Variants in SLC20A2 observed in about 807,000 individuals in gnomAD.
SLC20A2 encodes solute carrier family 20 member 2, also known as sodium-dependent phosphate transporter 2.
A neutral mutation model predicts 61.0 loss-of-function variants in SLC20A2; 30 were observed. The ratio of observed to expected loss-of-function variants is 0.49; its 90% CI spans 0.37 to 0.67. The LOEUF (loss-of-function observed/expected upper bound fraction) is 0.67, where lower values mean the gene tolerates loss of function less well. Ranked by LOEUF, SLC20A2 falls within the 30% of genes least tolerant of loss-of-function variation. SLC20A2 has a pLI of 0.00. For missense variants in SLC20A2, 626 were observed against 866.4 expected (o/e 0.72, Z 3.48); for synonymous variants, 351 against 353.3 (o/e 0.99, Z 0.07).
intron 10 of SLC20A2, chr8:42,419,777 T>C: frequency 1.9e-6 from 1 of 538,166 alleles, no homozygotes; most frequent in Non-Finnish European, 2.4e-6. Context: ...TTTTTTTGGC[T>C]AATTAACCGA....
At chr8:42,477,962 T>C (rs530177825) in intron 1 of SLC20A2, among the ~76,000 whole-genome samples, 1 of 151,706 alleles carries the variant, frequency 6.6e-6, no homozygotes, top group Non-Finnish European at 1.5e-5. Context: ...CTCGGCTCAC[T>C]GCAACCTCCG....
chr8:42,434,874 G>A (rs964890927), intron 8 of SLC20A2, among the ~76,000 whole-genome samples: 5 of 152,152 alleles, frequency 3.3e-5, no homozygotes, highest in African/African-American at 7.2e-5. Context: ...GTGAATGTGC[G>A]TGAGTCCATG....
At chr8:42,538,126 C>G (rs946064539) in intron 1 of SLC20A2, 1 of 151,944 alleles carries the variant, frequency 6.6e-6, no homozygotes, top group Non-Finnish European at 1.5e-5. Flanking sequence ...GTTTGCCTAA[C>G]TAAAATATAA....
rs1313154632 is a variant in SLC20A2, at chr8:42,437,098, C to T, written c.1414G>A (p.Glu472Lys). The change falls in exon 8 of 11, where the codon GAG becomes AAG. Residue 472 changes from glutamate (E) to lysine (K), a missense_variant. By Grantham distance (56) the Glu-to-Lys change is moderately conservative. Around this residue, in one of 3 missense-constraint regions of SLC20A2, gnomAD observed 361 missense variants for 422.3 expected, o/e 0.85. Coordinates refer to ENST00000520262, the MANE Select transcript of SLC20A2 (RefSeq NM_001257180.2). The surrounding 1 kb of genome is among the most constrained non-coding windows in gnomAD (Gnocchi z 6.4). ...GCGTCCTTCTCCTCCTTCTCCTCCT[C>T]TGCAGGGTCCTCTCGCGGCTGGTCA... ...DPDQPREDPA[E>K]EEKEEKDAPE... is the part of the protein sequence containing the mutation. 2.5e-6 allele frequency: 4 copies of T among 1,614,046 alleles called. No individual in the cohort carries two copies. The highest frequency in any genetic ancestry group is 3.4e-6 in the Non-Finnish European group (4 of 1,179,982).
chr8:42,501,371 T>C (rs901464897), upstream of SLC20A2: 28 of 152,212 alleles, frequency 1.8e-4, no homozygotes, highest in African/African-American at 6.5e-4. Flanking sequence ...AGTCCAATAA[T>C]ACTAACTTCT....
intron 1 of SLC20A2, among the ~76,000 whole-genome samples, chr8:42,525,399 T>G (rs934184888): frequency 6.6e-6 from 1 of 151,890 alleles, no homozygotes; most frequent in Non-Finnish European, 1.5e-5. Context: ...CTGACCAACA[T>G]GGTGAAACCC....
At chr8:42,484,813 C>T (rs747800393) in intron 1 of SLC20A2, 2 of 310,648 alleles carry the variant, frequency 6.4e-6, no homozygotes, top group Non-Finnish European at 1.3e-5. Context: ...CTGGGCCTGG[C>T]CTTCCAGACC....
At chr8:42,516,828 C>T (rs569787631) in intron 1 of SLC20A2, among the ~76,000 whole-genome samples, 18 of 144,804 alleles carry the variant, frequency 1.2e-4, no homozygotes, top group Non-Finnish European at 2.5e-4. Context: ...CAACGGTGCT[C>T]TAACTAACCC....
intron 10 of SLC20A2, among the ~76,000 whole-genome samples, chr8:42,421,165 A>G (rs1036965301): frequency 6.6e-6 from 1 of 152,194 alleles, no homozygotes; most frequent in African/African-American, 2.4e-5. Flanking sequence ...CCTCTTCCAT[A>G]TATATCACTC....
In SLC20A2 at chr8:42,513,317, A is replaced by G. The variant is rs963217570; in HGVS notation, c.-265+28504T>C. 5.9e-5 allele frequency among the ~76,000 whole-genome samples: 9 copies of G among 152,326 alleles called. 1 individual carries two copies. The South Asian group carries it at 1.9e-3, about 32-fold the overall frequency. On this transcript the variant is annotated intron_variant, in intron 1 of 10. Coordinates refer to the SLC20A2 transcript ENST00000342228. ...CCACTGGGCAGAATTAACAGCTGCC[A>G]CCATCACAGTGGCTGCCTCTCCACC...
intron 1 of SLC20A2, among the ~76,000 whole-genome samples, chr8:42,483,393 C>T (rs1012483591): frequency 1.3e-5 from 2 of 152,148 alleles, no homozygotes; most frequent in African/African-American, 4.8e-5. Context: ...AACTAATTAA[C>T]TGTATTTGGA....
At position 42,472,150 on chromosome 8, in the gene SLC20A2, T is replaced by C; in HGVS notation, c.241A>G (p.Asn81Asp). The change falls in exon 2 of 11, where the codon AAC becomes GAC. Residue 81 changes from asparagine (N) to aspartate (D), a missense_variant. By Grantham distance (23) the Asn-to-Asp change is conservative. This residue lies in a region of SLC20A2 where 127 missense variants were observed against 215.4 expected (regional missense o/e 0.59). Coordinates refer to ENST00000520262, the MANE Select transcript of SLC20A2 (RefSeq NM_001257180.2). This position sits in a 1 kb window ranked among gnomAD's most constrained non-coding sequence, Gnocchi z 4.1. ...RKGIIDVNLY[N>D]ETVETLMAGE... ...GCCATGAGAGTCTCCACCGTCTCGT[T>C]GTACAGGTTCACGTCAATGATACCT... 1.9e-6 allele frequency: 3 copies of C among 1,613,958 alleles called. No individual in the cohort carries two copies. Among genetic ancestry groups the C allele is most frequent in the Non-Finnish European group, 2.5e-6 (3 of 1,180,026 alleles).
chr8:42,438,560 G>T (rs1180599835), intron 7 of SLC20A2, among the ~76,000 whole-genome samples: 1 of 152,142 alleles, frequency 6.6e-6, no homozygotes, highest in Non-Finnish European at 1.5e-5. Flanking sequence ...CTTTCTCTGG[G>T]CCACATCTGA....
chr8:42,501,297 G>A (rs561738903), upstream of SLC20A2: 1 of 152,362 alleles, frequency 6.6e-6, no homozygotes, highest in African/African-American at 2.4e-5. Context: ...AATGGGAAAT[G>A]CGGCCAAGGG....
intron 8 of SLC20A2, among the ~76,000 whole-genome samples, chr8:42,436,007 T>G (rs1804220289): frequency 6.6e-6 from 1 of 151,882 alleles, no homozygotes; most frequent in South Asian, 2.1e-4. Flanking sequence ...CCCAGCGGCT[T>G]GGGAAGGCTG....
intron 10 of SLC20A2, among the ~76,000 whole-genome samples, chr8:42,426,164 T>G (rs924259089): frequency 6.6e-6 from 1 of 152,220 alleles, no homozygotes; most frequent in African/African-American, 2.4e-5. Context: ...AGTATATATA[T>G]CAATACAGTA....
intron 1 of SLC20A2, among the ~76,000 whole-genome samples, chr8:42,475,071 C>T (rs755158131): frequency 2.0e-5 from 3 of 151,926 alleles, no homozygotes; most frequent in South Asian, 2.1e-4. Flanking sequence ...GGGGTGCCAC[C>T]GAAGGGTTTT....
intron 1 of SLC20A2, among the ~76,000 whole-genome samples, chr8:42,475,448 C>G (rs1011516561): frequency 6.6e-6 from 1 of 151,992 alleles, no homozygotes; most frequent in Non-Finnish European, 1.5e-5. Context: ...CTCACTCTGT[C>G]ACCCAGGCTG....
rs367613420 is a variant in SLC20A2, at chr8:42,490,939, G to A, written c.-265+10092C>T. ...CTCTTTTATAACTCCTAACACCTAC[G>A]TTAACTACATTCATCTCTCTTACTT... On this transcript the variant is annotated intron_variant, in intron 1 of 10. Coordinates refer to ENST00000520262, the MANE Select transcript of SLC20A2 (RefSeq NM_001257180.2). Among the ~76,000 whole-genome samples, 13 of 151,718 alleles carry A rather than the reference G, an allele frequency of 8.6e-5. 1 individual carries two copies. Among genetic ancestry groups the A allele is most frequent in the African/African-American group, 3.1e-4 (13 of 41,476 alleles).
Sources: allele counts gnomAD v4.1 joint callset (sites outside exome capture counted in the v4.1 genomes callset), GRCh38; gene constraint gnomAD v4.1.1; regional missense constraint gnomAD v4.1.1; non-coding constraint Gnocchi (gnomAD v3.1); transcripts MANE v1.5; gene names NCBI Gene and HGNC (gene_info 2026-07-23, HGNC 2026-07-21).